PCDHA2: variants seen among roughly 807,000 people sequenced by gnomAD.
The protein encoded by PCDHA2 is protocadherin alpha 2, also known as protocadherin alpha-2.
A neutral mutation model predicts 66.0 loss-of-function variants in PCDHA2; 58 were observed. The observed-to-expected ratio is 0.88, with a 90% CI of 0.71 to 1.09. The LOEUF is 1.09. Ranked by LOEUF, PCDHA2 falls within the 50% of genes least tolerant of loss-of-function variation. The pLI is 0.00. For missense variants in PCDHA2, 1,267 were observed against 1,242.3 expected, an observed-to-expected ratio of 1.02 and a Z score of -0.30; for synonymous variants, 634 against 554.0, an observed-to-expected ratio of 1.14 and a Z score of -2.03.
At chr5:140,915,581 A>G (rs1563006188) in intron 1 of PCDHA2, among the ~76,000 whole-genome samples, 1 of 151,994 alleles carries the variant, frequency 6.6e-6, no homozygotes, top group Non-Finnish European at 1.5e-5. Flanking sequence ...GCCAGGCAAA[A>G]GCACTTGTTC....
rs762916391 is a variant in PCDHA2, at chr5:140,927,929, C to T, written c.2389-51020C>T. 13 of 1,614,090 alleles carry T rather than the reference C, an allele frequency of 8.1e-6. No homozygotes were observed. The highest frequency in any genetic ancestry group is 5.0e-5 in the Admixed American group (3 of 60,008). ...CCCGAACTGGACTTCCTGACTCTTT[C>T]GAACCCAGTACCTGAGGACGCTGCC... On this transcript the variant is annotated intron_variant, in intron 1 of 3. Transcript: ENST00000526136.
rs114918834 is a variant in PCDHA2, at chr5:140,920,894, T to C, written c.2389-58055T>C. 7.8e-3 allele frequency among the ~76,000 whole-genome samples: 1,179 copies of C among 151,482 alleles called. 6 individuals carry two copies. The highest frequency in any genetic ancestry group is 0.019 in the African/African-American group (771 of 41,278). Reference sequence around the variant, plus strand: ...GTGGCCCTTAGAACTTAAAGTCATATTTTGGTTCTCAAATCAGTTCCAAGA... The same window carrying C: ...GTGGCCCTTAGAACTTAAAGTCATACTTTGGTTCTCAAATCAGTTCCAAGA... On this transcript the variant is annotated intron_variant, in intron 1 of 3. Coordinates refer to ENST00000526136, the MANE Select transcript of PCDHA2 (RefSeq NM_018905.3).
intron 1 of PCDHA2, among the ~76,000 whole-genome samples, chr5:140,897,014 A>G (rs545411496): frequency 1.3e-3 from 202 of 152,284 alleles, no homozygotes; most frequent in Non-Finnish European, 2.0e-3. Context: ...TAAATATACA[A>G]CTAAATTATT....
rs113198272 is a variant in PCDHA2 at position 140,805,411 on chromosome 5, T to G, written c.2388+8059T>G. On this transcript the variant is annotated intron_variant, in intron 1 of 3. Transcript: ENST00000526136. Reference sequence around the variant, plus strand: ...GTTTCTGTTTGATTCAGAAATTTGGTGGGTTTTTTGTTGTTGTTTTGGTTT... The same window carrying G: ...GTTTCTGTTTGATTCAGAAATTTGGGGGGTTTTTTGTTGTTGTTTTGGTTT... 6.5e-4 allele frequency: 698 copies of G among 1,074,172 alleles called. 1 individual carries two copies. In the African/African-American group the frequency reaches 0.011, roughly 17 times the overall value. The allele number at this position is 1,074,172 out of a possible 1,614,324, so 66.5% of individuals were successfully genotyped here.
At chr5:140,915,626 GTCTCTCTCTC>G (rs57920489) in intron 1 of PCDHA2, among the ~76,000 whole-genome samples, 5 of 146,436 alleles carry the variant, frequency 3.4e-5, no homozygotes, top group Admixed American at 2.0e-4. Context: ...GTCTCTTTCT[GTCTCTCTCTC>G]TCTCTCTCTC....
chr5:140,822,753 A>T (rs1554128874), intron 1 of PCDHA2: 2 of 1,613,818 alleles, frequency 1.2e-6, no homozygotes, highest in South Asian at 2.2e-5. Context: ...ATAAAAGTAC[A>T]TTCCCATTAT....
intron 1 of PCDHA2, chr5:140,803,931 T>G (rs1329228144): frequency 1.1e-5 from 5 of 442,782 alleles, no homozygotes; most frequent in South Asian, 2.9e-5. Flanking sequence ...TTTATACTTA[T>G]CCCTATACAA....
chr5:140,875,478 G>T, intron 1 of PCDHA2: 4 of 1,610,404 alleles, frequency 2.5e-6, no homozygotes, highest in Non-Finnish European at 3.4e-6. Flanking sequence ...CTGCAATGGT[G>T]ATTATCGGAC....
intron 3 of PCDHA2, among the ~76,000 whole-genome samples, chr5:140,999,125 G>C (rs1554256627): frequency 6.6e-6 from 1 of 152,152 alleles, no homozygotes; most frequent in South Asian, 2.1e-4. Context: ...TTCTAAGCTG[G>C]AAAATGTCAC....
chr5:140,937,588 G>T (rs1414065719), intron 1 of PCDHA2, among the ~76,000 whole-genome samples: 1 of 151,364 alleles, frequency 6.6e-6, no homozygotes, highest in African/African-American at 2.4e-5. Context: ...CTGCACTCTA[G>T]CCTGGGCAAC....
chr5:140,873,464 T>C (rs904556302), intron 1 of PCDHA2, among the ~76,000 whole-genome samples: 1 of 152,214 alleles, frequency 6.6e-6, no homozygotes, highest in Non-Finnish European at 1.5e-5. Context: ...TTTTAGATAA[T>C]TCAAATTACT....
At chr5:140,993,523 C>CAG (rs111789518) in intron 3 of PCDHA2, among the ~76,000 whole-genome samples, 24 of 145,748 alleles carry the variant, frequency 1.6e-4, no homozygotes, top group African/African-American at 5.0e-4. Flanking sequence ...GAGAGAGAGA[C>CAG]AGAGAGAGAG....
intron 1 of PCDHA2, among the ~76,000 whole-genome samples, chr5:140,799,662 A>G (rs1365144428): frequency 6.6e-6 from 1 of 152,134 alleles, no homozygotes; most frequent in Non-Finnish European, 1.5e-5. Context: ...CATGAAAACA[A>G]CAATTGATAA....
chr5:140,837,740 G>T (rs1328705494), intron 1 of PCDHA2, among the ~76,000 whole-genome samples: 2 of 151,462 alleles, frequency 1.3e-5, no homozygotes, highest in Non-Finnish European at 2.9e-5. Flanking sequence ...GCAGTGGTGG[G>T]ATTATAGCCC....
chr5:140,865,891 G>T (rs2153226953), intron 1 of PCDHA2: 1 of 152,240 alleles, frequency 6.6e-6, no homozygotes, highest in African/African-American at 2.4e-5. Context: ...AGCACAAATT[G>T]TGTACAGGCA....
In PCDHA2 at chr5:140,796,078, A is replaced by G; in HGVS notation, c.1114A>G (p.Ile372Val). The G allele has an allele frequency of 6.2e-7, 1 of 1,614,178 alleles. No homozygotes were observed. The highest frequency in any genetic ancestry group is 8.5e-7 in the Non-Finnish European group (1 of 1,180,032). The change falls in exon 1 of 4, where the codon ATC (isoleucine) becomes GTC (valine). Residue 372 changes from isoleucine (I) to valine (V), a missense_variant. Coordinates refer to ENST00000526136, the MANE Select transcript of PCDHA2 (RefSeq NM_018905.3). ...TTCCCTGGGCACTGTCATTGCTCTCATCACGGTGTCGGATCGCGACTCTGG... is the reference window on the plus strand; with the variant it reads ...TTCCCTGGGCACTGTCATTGCTCTCGTCACGGTGTCGGATCGCGACTCTGG... ...NASLGTVIAL[I>V]TVSDRDSGTN...
At position 140,856,129 on chromosome 5, in the gene PCDHA2, C is replaced by G. The variant is rs149039484; in HGVS notation, c.2388+58777C>G. ...TCCTCGCAGCCTGGGAGGTGGGGAG[C>G]GGCCAGCTCCACTACTCAGTCTACG... On this transcript the variant is annotated intron_variant, in intron 1 of 3. Transcript: ENST00000526136. The G allele has an allele frequency of 2.3e-5, 36 of 1,597,980 alleles. 3 individuals are homozygous for G. Among genetic ancestry groups the G allele is most frequent in the African/African-American group, 2.7e-5 (2 of 74,256 alleles).
chr5:140,823,291 T>G (rs1767641438), intron 1 of PCDHA2: 1 of 1,612,324 alleles, frequency 6.2e-7, no homozygotes, highest in African/African-American at 1.3e-5. Context: ...GCTGTCGAGT[T>G]ACGTTTCGGT....
In PCDHA2 at chr5:140,835,839, A is replaced by G. The variant is rs2150246245; in HGVS notation, c.2388+38487A>G. On this transcript the variant is annotated intron_variant, in intron 1 of 3. Coordinates refer to ENST00000526136, the MANE Select transcript of PCDHA2 (RefSeq NM_018905.3). ...GTCGGCGGGGGACGCGGACGCGCAG[A>G]AGAACGCGCTGGTGTCCTACTCGCT... 1.9e-5 allele frequency: 31 copies of G among 1,612,256 alleles called. No individual in the cohort carries two copies. The Admixed American group carries it at 4.2e-4, about 22-fold the overall frequency.
Sources: allele counts gnomAD v4.1 joint callset (sites outside exome capture counted in the v4.1 genomes callset), GRCh38; gene constraint gnomAD v4.1.1; transcripts MANE v1.5; gene names NCBI Gene and HGNC (gene_info 2026-07-23, HGNC 2026-07-21).